Variants in NR3C2 observed in about 807,000 individuals in gnomAD.
NR3C2 encodes the protein mineralocorticoid receptor.
In NR3C2, 15 loss-of-function variants were observed where a neutral mutation model predicts 86.4. The ratio of observed to expected loss-of-function variants is 0.17; its 90% CI spans 0.12 to 0.27. NR3C2 has a LOEUF of 0.27. Among genes scored for constraint, NR3C2 ranks in the 10% least tolerant of loss-of-function variants. The pLI is 1.00. For synonymous variants in NR3C2, 458 were observed against 450.5 expected (o/e 1.02, Z -0.21); for missense variants, 960 against 1,195.6 (o/e 0.80, Z 2.91).
At chr4:148,396,363 T>C (rs1431162062) in intron 2 of NR3C2, among the ~76,000 whole-genome samples, 4 of 152,220 alleles carry the variant, frequency 2.6e-5, no homozygotes, top group African/African-American at 9.6e-5. Flanking sequence ...ACTTCATCCA[T>C]TAAAATTTCA....
chr4:148,233,891 A>T (rs1431718940), intron 3 of NR3C2, among the ~76,000 whole-genome samples: 1 of 152,324 alleles, frequency 6.6e-6, no homozygotes, highest in South Asian at 2.1e-4. Flanking sequence ...AATCACTAAA[A>T]TGTGACACAG....
At chr4:148,306,964 C>T (rs182564869) in intron 2 of NR3C2, among the ~76,000 whole-genome samples, 12 of 152,222 alleles carry the variant, frequency 7.9e-5, no homozygotes, top group African/African-American at 2.9e-4. Flanking sequence ...ATAAATAACA[C>T]TTAAAACTAT....
At chr4:148,336,155 A>G (rs534760960) in intron 2 of NR3C2, among the ~76,000 whole-genome samples, 2 of 152,276 alleles carry the variant, frequency 1.3e-5, no homozygotes, top group South Asian at 4.1e-4. Context: ...CTGTGCTCCT[A>G]GAAGGGATCA....
At position 148,345,181 on chromosome 4, in the gene NR3C2, A is replaced by T. The variant is rs2149985763; in HGVS notation, c.1758-85064T>A. On this transcript the variant is annotated intron_variant, in intron 2 of 8. Coordinates refer to ENST00000358102, the MANE Select transcript of NR3C2 (RefSeq NM_000901.5). ...AGGCCTGCCAGATTCTGTGGTTCAG[A>T]AGTAATTTAAAAGTAGAAATGTGTA... is the stretch of plus-strand genomic sequence containing the variant. Among the ~76,000 whole-genome samples, 2 of 152,242 alleles carry T rather than the reference A, an allele frequency of 1.3e-5. 1 individual carries two copies.
chr4:148,333,806 C>T (rs1161706485), intron 2 of NR3C2, among the ~76,000 whole-genome samples: 1 of 152,126 alleles, frequency 6.6e-6, no homozygotes, highest in Non-Finnish European at 1.5e-5. Flanking sequence ...GCCCGCTGGA[C>T]CAGTTCTAGT....
chr4:148,373,562 C>A (rs1746525116), intron 2 of NR3C2, among the ~76,000 whole-genome samples: 1 of 150,670 alleles, frequency 6.6e-6, no homozygotes, highest in African/African-American at 2.5e-5. Flanking sequence ...GCAACCTCTG[C>A]CTCCCAGGTT....
intron 2 of NR3C2, among the ~76,000 whole-genome samples, chr4:148,400,615 C>T (rs1197991773): frequency 6.6e-6 from 1 of 151,834 alleles, no homozygotes; most frequent in Admixed American, 6.6e-5. Context: ...CCCATCTCTA[C>T]TAAAAATACA....
intron 2 of NR3C2, among the ~76,000 whole-genome samples, chr4:148,416,805 T>C (rs1460776947): frequency 6.6e-6 from 1 of 152,198 alleles, no homozygotes. Flanking sequence ...GATGAAGTTT[T>C]GCTCTTGTTG....
chr4:148,337,552 A>G (rs984882145), intron 2 of NR3C2, among the ~76,000 whole-genome samples: 1 of 152,242 alleles, frequency 6.6e-6, no homozygotes, highest in African/African-American at 2.4e-5. Flanking sequence ...AGTTTCAAAT[A>G]TATTTAACAA....
intron 4 of NR3C2, among the ~76,000 whole-genome samples, chr4:148,178,725 C>T (rs974646791): frequency 6.6e-6 from 1 of 151,388 alleles, no homozygotes; most frequent in African/African-American, 2.4e-5. Flanking sequence ...TCAGCCCAAT[C>T]GGAAGCCCTG....
chr4:148,355,422 G>A (rs554523199), intron 2 of NR3C2, among the ~76,000 whole-genome samples: 6 of 152,102 alleles, frequency 3.9e-5, no homozygotes, highest in Non-Finnish European at 7.4e-5. Context: ...CCCAGAAGCC[G>A]CTACCCTACT....
intron 2 of NR3C2, among the ~76,000 whole-genome samples, chr4:148,336,840 T>C (rs1744517201): frequency 6.6e-6 from 1 of 152,198 alleles, no homozygotes; most frequent in South Asian, 2.1e-4. Context: ...TTGCCCAGGC[T>C]GAGTGTAGTG....
At chr4:148,202,777 T>C (rs1263696550) in intron 3 of NR3C2, among the ~76,000 whole-genome samples, 2 of 151,998 alleles carry the variant, frequency 1.3e-5, no homozygotes, top group Admixed American at 6.5e-5. Context: ...GGCCCTAAGG[T>C]TCCCCCCTCA....
At chr4:148,109,166 C>T (rs1458761794) in intron 8 of NR3C2, among the ~76,000 whole-genome samples, 5 of 152,112 alleles carry the variant, frequency 3.3e-5, no homozygotes, top group African/African-American at 1.2e-4. Flanking sequence ...CTCTGATGCC[C>T]CCTTGGAAGT....
chr4:148,251,262 T>G (rs533923065), intron 3 of NR3C2, among the ~76,000 whole-genome samples: 1 of 152,034 alleles, frequency 6.6e-6, no homozygotes, highest in African/African-American at 2.4e-5. Context: ...CCCAACACAG[T>G]CTCCATCTAA....
At chr4:148,303,161 T>C (rs1340035591) in intron 2 of NR3C2, among the ~76,000 whole-genome samples, 2 of 152,222 alleles carry the variant, frequency 1.3e-5, no homozygotes, top group Non-Finnish European at 2.9e-5. Flanking sequence ...AGATGAGGAC[T>C]GGAGAGAAAT....
intron 2 of NR3C2, among the ~76,000 whole-genome samples, chr4:148,428,263 G>A (rs147809172): frequency 7.6e-4 from 116 of 152,312 alleles, no homozygotes; most frequent in African/African-American, 2.7e-3. Context: ...CTGATGTTAA[G>A]GTTGGGGAGA....
At chr4:148,333,055 C>A (rs564180633) in intron 2 of NR3C2, among the ~76,000 whole-genome samples, 2 of 151,810 alleles carry the variant, frequency 1.3e-5, no homozygotes, top group African/African-American at 4.8e-5. Flanking sequence ...TGCTGGAACA[C>A]AGAAGTTCGA....
intron 2 of NR3C2, among the ~76,000 whole-genome samples, chr4:148,399,419 T>C (rs781499925): frequency 1.3e-5 from 2 of 151,766 alleles, no homozygotes; most frequent in Admixed American, 6.6e-5. Flanking sequence ...ATACATATAG[T>C]GTATTATATA....
Sources: gnomAD v4.1 joint callset for allele counts (sites outside exome capture counted in the v4.1 genomes callset) on GRCh38, gnomAD v4.1.1 for gene constraint, MANE v1.5 for transcripts, NCBI Gene and HGNC (gene_info 2026-07-23, HGNC 2026-07-21) for gene names.